The following TMC7 variants were observed in gnomAD, a reference collection of about 807,000 sequenced individuals.
TMC7 encodes transmembrane channel like 7.
A neutral mutation model predicts 82.9 loss-of-function variants in TMC7; 54 were observed. That is an observed-to-expected ratio of 0.65 (90% CI 0.52 to 0.82). The LOEUF is 0.82. TMC7 is among the 40% of genes least tolerant of loss of function. The probability of loss-of-function intolerance (pLI) is 0.00; values close to 1 mark genes in which losing one functional copy is unlikely to be tolerated. For missense variants in TMC7, 820 were observed against 901.2 expected (o/e 0.91, Z 1.15); for synonymous variants, 350 against 337.9 (o/e 1.04, Z -0.39).
chr16:19,021,906 T>C (rs1959997412), intron 4 of TMC7, 110 bp downstream of exon 4: 3 of 1,306,802 alleles, frequency 2.3e-6, no homozygotes, highest in Admixed American at 4.9e-5. Flanking sequence ...GCGACTGTAT[T>C]AGTCAGGATG....
At chr16:19,047,772 G>A (rs1450980647) in intron 12 of TMC7, among the ~76,000 whole-genome samples, 1 of 145,746 alleles carries the variant, frequency 6.9e-6, no homozygotes, top group Admixed American at 7.3e-5. Flanking sequence ...GAGTGCAGTG[G>A]CACGATCTCG....
chr16:19,001,495 ACATAACGAGACCT>A (rs1389502726), intron 1 of TMC7, among the ~76,000 whole-genome samples: 1 of 152,216 alleles, frequency 6.6e-6, no homozygotes, highest in African/African-American at 2.4e-5. Flanking sequence ...AGCCTGGGCA[ACATAACGAGACCT>A]CATCTCTATT....
At chr16:19,047,032 A>G in intron 11 of TMC7, 31 bp from the exon 12 acceptor site, 1 of 1,572,788 alleles carries the variant, frequency 6.4e-7, no homozygotes, top group Non-Finnish European at 8.6e-7. Flanking sequence ...GGCAGACACC[A>G]GTAGCCCAAA....
Position 19,051,722 on chromosome 16 carries a change from C to T in TMC7, c.1777C>T (p.Pro593Ser), listed in dbSNP as rs1189319255. 1.2e-6 allele frequency: 2 copies of T among 1,613,982 alleles called. No individual in the cohort carries two copies. The highest frequency in any genetic ancestry group is 3.3e-5 in the Admixed American group (2 of 59,980). ...TTACACCTGCAGACCCTCCCCCAGGCCGTTCAGAGCATCCAATTCTAATTT... is the reference window on the plus strand; with the variant it reads ...TTACACCTGCAGACCCTCCCCCAGGTCGTTCAGAGCATCCAATTCTAATTT... The part of the protein sequence containing the change: ...LLYTCRPSPR[P>S]FRASNSNFFF... The change falls in exon 13 of 16, where the codon CCG (proline) becomes TCG (serine). Residue 593 changes from proline to serine, a missense_variant. Transcript: ENST00000304381.
chr16:19,014,009 G>A (rs1257179158), intron 2 of TMC7, among the ~76,000 whole-genome samples: 13 of 151,644 alleles, frequency 8.6e-5, no homozygotes, highest in Non-Finnish European at 1.5e-4. Flanking sequence ...GCCCGCCACC[G>A]CACCCAGCTA....
At chr16:18,991,813 C>G (rs905324324) in intron 1 of TMC7, among the ~76,000 whole-genome samples, 8 of 152,094 alleles carry the variant, frequency 5.3e-5, no homozygotes, top group African/African-American at 1.9e-4. Flanking sequence ...TCAATTCCCA[C>G]CTATGAGTGA....
chr16:19,049,655 G>A, intron 12 of TMC7: 1 of 985,282 alleles, frequency 1.0e-6, no homozygotes, highest in Non-Finnish European at 1.2e-6. Context: ...GCATAGTACA[G>A]ACACTGTGGG....
intron 14 of TMC7, among the ~76,000 whole-genome samples, chr16:19,056,962 A>C (rs1317514183): frequency 1.3e-5 from 1 of 78,548 alleles, no homozygotes; most frequent in Non-Finnish European, 3.2e-5. Context: ...CCGACTCTAC[A>C]AAAAAATAAA....
At chr16:18,994,303 G>A (rs549625384) in intron 1 of TMC7, among the ~76,000 whole-genome samples, 3 of 152,226 alleles carry the variant, frequency 2.0e-5, no homozygotes, top group South Asian at 2.1e-4. Context: ...AGCAGCAGCC[G>A]CCACATGCAG....
At position 19,062,159 on chromosome 16, in the gene TMC7, A is replaced by G. The variant is rs1962036237; in HGVS notation, c.*316A>G. On this transcript the variant is annotated 3_prime_UTR_variant, in exon 16 of 16. Transcript: ENST00000304381. Reference sequence around the variant, plus strand: ...GAGACGGTAGTTTAGTATTTGAGCCACGAGTTTATGTGCACAAGTGTTTTG... The same window carrying G: ...GAGACGGTAGTTTAGTATTTGAGCCGCGAGTTTATGTGCACAAGTGTTTTG... 2 of 269,518 alleles carry G rather than the reference A, an allele frequency of 7.4e-6. No homozygotes were observed. Among genetic ancestry groups the G allele is most frequent in the African/African-American group, 2.2e-5 (1 of 45,640 alleles). 16.7% of individuals were successfully genotyped at this position (269,518 alleles called of 1,614,324 possible). A position where few individuals can be genotyped will look rare whatever the true frequency, so the allele number is the denominator to read the frequency against.
chr16:19,056,767 GC>G, intron 14 of TMC7, 70 bp downstream of exon 14: 1 of 1,548,166 alleles, frequency 6.5e-7, no homozygotes, highest in East Asian at 2.2e-5. Flanking sequence ...GGCGGTCGGG[GC>G]GGGGTCACCC....
chr16:19,010,158 T>TCCC (rs2039316988), intron 2 of TMC7, among the ~76,000 whole-genome samples: 3 of 23,664 alleles, frequency 1.3e-4, no homozygotes, highest in Admixed American at 6.1e-4. Flanking sequence ...CCTCCCCTCC[T>TCCC]CTCCTCTCCT....
At chr16:19,021,871 T>A in intron 4 of TMC7, 75 bp downstream of exon 4, 1 of 1,509,842 alleles carries the variant, frequency 6.6e-7, no homozygotes, top group Non-Finnish European at 9.0e-7. Flanking sequence ...CTTCCTTTGC[T>A]AAGAATCTTT....
chr16:19,021,240 T>C lies in TMC7; in HGVS notation c.461-389T>C, dbSNP rs576862007. 9.7e-4 allele frequency among the ~76,000 whole-genome samples: 147 copies of C among 152,314 alleles called. 1 individual carries two copies. The highest frequency in any genetic ancestry group is 2.4e-3 in the African/African-American group (98 of 41,566). On this transcript the variant is annotated intron_variant, in intron 3 of 15. Transcript: ENST00000304381. ...CTGCAGTAATTAAGACAGTCTAGCA[T>C]TGGTGTAAGGATAGACATGTAGACC... is the stretch of plus-strand genomic sequence containing the variant.
Position 19,063,655 on chromosome 16 carries a change from A to G in TMC7, c.*1812A>G, listed in dbSNP as rs1486639431. ...ATTTTCACTGTGACCAGACTTGATGATATTCAAGTTTTCTATTTGTGTGTG... is the reference window on the plus strand; with the variant it reads ...ATTTTCACTGTGACCAGACTTGATGGTATTCAAGTTTTCTATTTGTGTGTG... On this transcript the variant is annotated 3_prime_UTR_variant, in exon 16 of 16. Coordinates refer to ENST00000304381, the MANE Select transcript of TMC7 (RefSeq NM_024847.4). The G allele has an allele frequency of 2.7e-5, 4 of 147,066 alleles. No individual in the cohort carries two copies. The highest frequency in any genetic ancestry group is 9.8e-5 in the African/African-American group (4 of 40,768). The allele number at this position is 147,066 out of a possible 1,614,324, so 9.1% of individuals were successfully genotyped here.
At chr16:19,053,591 C>T (rs1317360722) in intron 13 of TMC7, among the ~76,000 whole-genome samples, 5 of 152,004 alleles carry the variant, frequency 3.3e-5, no homozygotes, top group African/African-American at 9.7e-5. Context: ...TTAGTAAAGA[C>T]GGGGTTTCTC....
intron 1 of TMC7, among the ~76,000 whole-genome samples, chr16:18,990,985 C>T (rs2038941069): frequency 6.6e-6 from 1 of 152,126 alleles, no homozygotes; most frequent in African/African-American, 2.4e-5. Flanking sequence ...CCTGACATTC[C>T]TGTCTTCTTA....
intron 2 of TMC7, among the ~76,000 whole-genome samples, chr16:19,009,836 G>A (rs900053271): frequency 2.0e-5 from 3 of 150,808 alleles, no homozygotes; most frequent in African/African-American, 7.3e-5. Flanking sequence ...AGCTACTCTG[G>A]AGGCTGAGGC....
intron 2 of TMC7, among the ~76,000 whole-genome samples, chr16:19,014,791 T>C (rs11649394): frequency 0.52 from 79,519 of 151,948 alleles, 23,474 homozygotes; most frequent in East Asian, 0.8. Flanking sequence ...GTGGGCCGTG[T>C]AGTCTCTGTT....
Sources: gnomAD v4.1 joint callset for allele counts (sites outside exome capture counted in the v4.1 genomes callset) on GRCh38, gnomAD v4.1.1 for gene constraint, MANE v1.5 for transcripts, NCBI Gene and HGNC (gene_info 2026-07-23, HGNC 2026-07-21) for gene names.